EFNB2: variants seen among roughly 807,000 people sequenced by gnomAD.
The protein encoded by EFNB2 is ephrin-B2.
Under a neutral mutation model 32.1 loss-of-function variants are expected in EFNB2, and 5 were observed. That is an observed-to-expected ratio of 0.16 (90% CI 0.08 to 0.33). The LOEUF is 0.33. EFNB2 is among the 10% of genes least tolerant of loss of function. EFNB2 has a pLI of 1.00. For synonymous variants in EFNB2, 168 were observed against 166.5 expected, an observed-to-expected ratio of 1.01 and a Z score of -0.07; for missense variants, 263 against 422.6, an observed-to-expected ratio of 0.62 and a Z score of 3.31.
Position 106,493,559 on chromosome 13 carries a change from C to T in EFNB2, c.614-131G>A, listed in dbSNP as rs144631108. The T allele has an allele frequency of 2.6e-4, 319 of 1,210,854 alleles. No homozygotes were observed. In the African/African-American group the frequency reaches 4.1e-3, roughly 16 times the overall value. 75.0% of individuals were successfully genotyped at this position (1,210,854 alleles called of 1,614,324 possible). On this transcript the variant is annotated intron_variant, in intron 4 of 4. Coordinates refer to ENST00000646441, the MANE Select transcript of EFNB2 (RefSeq NM_004093.4). The surrounding 1 kb of genome is among the most constrained non-coding windows in gnomAD (Gnocchi z 6.1). The stretch of plus-strand genomic sequence containing the variant: ...ACTAACTAGAAGCTGGACTTTGCCT[C>T]GCCAATACCTCGTCTAAGAGCTCAA...
intron 1 of EFNB2, chr13:106,516,817 G>C (rs1296129437): frequency 6.6e-6 from 1 of 152,128 alleles, no homozygotes; most frequent in Non-Finnish European, 1.5e-5. Flanking sequence ...GGAACCAAAA[G>C]GTGAGGAAGA....
intron 1 of EFNB2, chr13:106,517,359 G>A (rs974461040): frequency 3.3e-5 from 5 of 152,132 alleles, no homozygotes; most frequent in African/African-American, 1.2e-4. Context: ...CCCAGACAGA[G>A]AGTGGTTAGA....
chr13:106,530,128 T>G (rs1440460489), intron 1 of EFNB2, among the ~76,000 whole-genome samples: 2 of 152,308 alleles, frequency 1.3e-5, no homozygotes, highest in African/African-American at 4.8e-5. Flanking sequence ...CTGAATTGCT[T>G]ATGTCTTTGT....
chr13:106,526,821 G>A (rs935865782), intron 1 of EFNB2, among the ~76,000 whole-genome samples: 3 of 152,160 alleles, frequency 2.0e-5, no homozygotes, highest in Non-Finnish European at 2.9e-5. Flanking sequence ...GAAAGAGCAA[G>A]GATTATAATT....
intron 1 of EFNB2, among the ~76,000 whole-genome samples, chr13:106,514,014 G>T (rs972384894): frequency 6.6e-6 from 1 of 152,172 alleles, no homozygotes; most frequent in African/African-American, 2.4e-5. Flanking sequence ...GTGCATGAGT[G>T]TGGTTATGAA....
At chr13:106,525,505 T>A (rs765111521) in intron 1 of EFNB2, among the ~76,000 whole-genome samples, 17 of 152,334 alleles carry the variant, frequency 1.1e-4, no homozygotes, top group Non-Finnish European at 1.9e-4. Context: ...TCCTGGGACG[T>A]GTTCACAGGT....
intron 2 of EFNB2, among the ~76,000 whole-genome samples, chr13:106,504,088 T>C (rs1463340963): frequency 6.6e-6 from 1 of 152,208 alleles, no homozygotes; most frequent in East Asian, 1.9e-4. Flanking sequence ...GTGCCTGCTC[T>C]GAAGATTCTG....
intron 2 of EFNB2, among the ~76,000 whole-genome samples, chr13:106,503,507 G>C (rs556110136): frequency 1.3e-5 from 2 of 152,128 alleles, no homozygotes; most frequent in Non-Finnish European, 2.9e-5. Context: ...CTGAGCCCTC[G>C]GCCCATCCTG....
In EFNB2 at chr13:106,534,987, C is replaced by T; in HGVS notation, c.-23G>A. ...CATGGCGAAGCCACTCCCAGCTCCG[C>T]GCACTCCGGGCCAAGAAGGGACTGA... On this transcript the variant is annotated 5_prime_UTR_variant, in exon 1 of 5. Transcript: ENST00000646441. 6.2e-7 allele frequency: 1 copy of T among 1,611,742 alleles called. No homozygotes were observed. The highest frequency in any genetic ancestry group is 1.1e-5 in the South Asian group (1 of 90,870).
intron 1 of EFNB2, among the ~76,000 whole-genome samples, chr13:106,529,616 C>T (rs760332276): frequency 6.6e-5 from 10 of 152,208 alleles, no homozygotes; most frequent in Non-Finnish European, 1.2e-4. Context: ...CAAGGGCCTT[C>T]GTCCCGCGCC....
intron 2 of EFNB2, among the ~76,000 whole-genome samples, chr13:106,502,424 A>C (rs1047170266): frequency 6.6e-6 from 1 of 152,242 alleles, no homozygotes; most frequent in Non-Finnish European, 1.5e-5. Flanking sequence ...CATTCTACCC[A>C]GAGCTCAGAA....
At chr13:106,515,336 A>G (rs1413940274) in intron 1 of EFNB2, among the ~76,000 whole-genome samples, 1 of 152,164 alleles carries the variant, frequency 6.6e-6, no homozygotes, top group Admixed American at 6.6e-5. Context: ...TGTACTGTCC[A>G]ACTTTGTTAA....
intron 1 of EFNB2, among the ~76,000 whole-genome samples, chr13:106,514,909 T>C (rs970357699): frequency 2.6e-5 from 4 of 152,164 alleles, no homozygotes; most frequent in African/African-American, 9.7e-5. Context: ...AGAAAATGCA[T>C]TACACCCCCT....
intron 1 of EFNB2, among the ~76,000 whole-genome samples, chr13:106,525,175 C>T (rs1014700331): frequency 1.3e-5 from 2 of 152,166 alleles, no homozygotes; most frequent in South Asian, 2.1e-4. Context: ...TTATTCAGCA[C>T]TATTATGTTA....
intron 1 of EFNB2, chr13:106,521,739 A>G (rs1186745336): frequency 1.3e-5 from 2 of 150,740 alleles, no homozygotes; most frequent in African/African-American, 4.9e-5. Flanking sequence ...GTGCTCAAAG[A>G]CAGTATTCTC....
chr13:106,522,492 A>G (rs1879556945), intron 1 of EFNB2, among the ~76,000 whole-genome samples: 2 of 152,218 alleles, frequency 1.3e-5, no homozygotes, highest in Admixed American at 1.3e-4. Context: ...CCATTTGCTC[A>G]TTTACCTGAA....
At chr13:106,501,418 C>T (rs924113808) in intron 2 of EFNB2, among the ~76,000 whole-genome samples, 15 of 151,812 alleles carry the variant, frequency 9.9e-5, no homozygotes, top group African/African-American at 2.4e-4. Flanking sequence ...CATGACTTTC[C>T]GAGGGCCTCA....
At chr13:106,507,797 A>AC (rs1267116488) in intron 2 of EFNB2, among the ~76,000 whole-genome samples, 1 of 152,210 alleles carries the variant, frequency 6.6e-6, no homozygotes, top group African/African-American at 2.4e-5. Flanking sequence ...ATCTCACAGA[A>AC]CAACCTTTAA....
Position 106,492,818 on chromosome 13 carries a change from C to A in EFNB2, c.*222G>T. 1.7e-6 allele frequency: 1 copy of A among 571,454 alleles called. No individual in the cohort carries two copies. 35.4% of individuals were successfully genotyped at this position (571,454 alleles called of 1,614,324 possible). On this transcript the variant is annotated 3_prime_UTR_variant, in exon 5 of 5. Coordinates refer to ENST00000646441, the MANE Select transcript of EFNB2 (RefSeq NM_004093.4). This position sits in a 1 kb window ranked among gnomAD's most constrained non-coding sequence, Gnocchi z 5.1. ...CAGCAGTCCGAATGGGCGTCTTCTGCACAGTCTTCCAGCTTCCAGGGAGCG... is the reference window on the plus strand; with the variant it reads ...CAGCAGTCCGAATGGGCGTCTTCTGAACAGTCTTCCAGCTTCCAGGGAGCG...
Sources: allele counts gnomAD v4.1 joint callset (sites outside exome capture counted in the v4.1 genomes callset), GRCh38; gene constraint gnomAD v4.1.1; non-coding constraint Gnocchi (gnomAD v3.1); transcripts MANE v1.5; gene names NCBI Gene and HGNC (gene_info 2026-07-23, HGNC 2026-07-21).